TEAD1: variants seen among roughly 807,000 people sequenced by gnomAD.
TEAD1 encodes TEA domain transcription factor 1, also known as transcriptional enhancer factor TEF-1.
TEAD1 carries 9 observed loss-of-function variants against 54.9 expected under a neutral mutation model. That is an observed-to-expected ratio of 0.16 (90% CI 0.10 to 0.29). The LOEUF (loss-of-function observed/expected upper bound fraction) is 0.29, where lower values mean the gene tolerates loss of function less well. Ranked by LOEUF, TEAD1 falls within the 10% of genes least tolerant of loss-of-function variation. The probability of loss-of-function intolerance (pLI) is 1.00; values close to 1 mark genes in which losing one functional copy is unlikely to be tolerated. For missense variants in TEAD1, 387 were observed against 535.9 expected (o/e 0.72, Z 2.74); for synonymous variants, 200 against 187.8 (o/e 1.07, Z -0.53).
intron 3 of TEAD1, among the ~76,000 whole-genome samples, chr11:12,809,974 CTTTTTTTTT>C (rs55647097): frequency 0.51 from 59,923 of 116,802 alleles, 15,351 homozygotes; most frequent in Middle Eastern, 0.66. Flanking sequence ...TTTCCCCATT[CTTTTTTTTT>C]TTTTTTTTTT....
intron 3 of TEAD1, among the ~76,000 whole-genome samples, chr11:12,852,248 G>A (rs1174543381): frequency 7.0e-6 from 1 of 143,616 alleles, no homozygotes; most frequent in Non-Finnish European, 1.5e-5. Context: ...AGACTAAGGA[G>A]TTTGTGTTTT....
chr11:12,752,282 A>C (rs1456953601), intron 2 of TEAD1, among the ~76,000 whole-genome samples: 2 of 144,386 alleles, frequency 1.4e-5, no homozygotes, highest in Non-Finnish European at 3.0e-5. Context: ...TCCAACTTAC[A>C]TACAGAAAAG....
intron 2 of TEAD1, among the ~76,000 whole-genome samples, chr11:12,741,587 T>C (rs1208045242): frequency 1.3e-5 from 2 of 152,242 alleles, no homozygotes; most frequent in Non-Finnish European, 2.9e-5. Flanking sequence ...TTTTCCCATA[T>C]GCTTATTCTG....
intron 2 of TEAD1, among the ~76,000 whole-genome samples, chr11:12,717,828 C>A (rs559918442): frequency 6.6e-6 from 1 of 152,216 alleles, no homozygotes; most frequent in Non-Finnish European, 1.5e-5. Flanking sequence ...TGCCTGGCTC[C>A]TGGCCCACTG....
At chr11:12,758,041 A>G (rs1380024374) in intron 2 of TEAD1, among the ~76,000 whole-genome samples, 1 of 152,046 alleles carries the variant, frequency 6.6e-6, no homozygotes, top group Non-Finnish European at 1.5e-5. Context: ...TGGCCTCCCA[A>G]AGTGCTAGGC....
chr11:12,708,675 A>G (rs768574168), intron 2 of TEAD1, among the ~76,000 whole-genome samples: 2 of 152,164 alleles, frequency 1.3e-5, no homozygotes, highest in Non-Finnish European at 1.5e-5. Flanking sequence ...CCGCACCATA[A>G]TGTTTAGTGT....
intron 3 of TEAD1, among the ~76,000 whole-genome samples, chr11:12,784,676 G>T (rs1261091358): frequency 6.6e-6 from 1 of 152,160 alleles, no homozygotes; most frequent in African/African-American, 2.4e-5. Flanking sequence ...AAGTTCCAGG[G>T]GTGCTGATGT....
chr11:12,700,595 G>A (rs1184251362), intron 2 of TEAD1, among the ~76,000 whole-genome samples: 1 of 152,144 alleles, frequency 6.6e-6, no homozygotes, highest in Non-Finnish European at 1.5e-5. Context: ...ATTGATCTTA[G>A]AAACTTTTTT....
chr11:12,694,836 C>A (rs1423550000), intron 2 of TEAD1, among the ~76,000 whole-genome samples: 1 of 152,112 alleles, frequency 6.6e-6, no homozygotes, highest in Non-Finnish European at 1.5e-5. Context: ...TATATGGAGT[C>A]ATTGGAAGTT....
At chr11:12,765,018 G>C (rs1265503047) in intron 3 of TEAD1, among the ~76,000 whole-genome samples, 2 of 151,668 alleles carry the variant, frequency 1.3e-5, no homozygotes, top group Non-Finnish European at 2.9e-5. Context: ...TTGCTACTTT[G>C]CTGCCAGTTT....
intron 9 of TEAD1, among the ~76,000 whole-genome samples, chr11:12,883,927 G>T (rs979846528): frequency 1.3e-5 from 2 of 151,728 alleles, no homozygotes; most frequent in Non-Finnish European, 1.5e-5. Context: ...CCCAGGAGGC[G>T]GAGGTTGCGG....
At chr11:12,777,184 C>A (rs954812871) in intron 3 of TEAD1, among the ~76,000 whole-genome samples, 2 of 152,074 alleles carry the variant, frequency 1.3e-5, no homozygotes, top group Admixed American at 1.3e-4. Context: ...GATAGCGAAA[C>A]CTGCTGCCCA....
At chr11:12,930,151 C>T (rs2134169969) in intron 11 of TEAD1, 23 bp from the exon 12 acceptor site, 1 of 1,614,040 alleles carries the variant, frequency 6.2e-7, no homozygotes, top group Middle Eastern at 1.6e-4. Context: ...TGTAAAAATA[C>T]TGAAATCCTT....
chr11:12,707,193 C>G (rs1943836239), intron 2 of TEAD1, among the ~76,000 whole-genome samples: 1 of 140,598 alleles, frequency 7.1e-6, no homozygotes, highest in Admixed American at 7.7e-5. Context: ...ACTTGTGCGG[C>G]TGGTGTTTAT....
intron 3 of TEAD1, among the ~76,000 whole-genome samples, chr11:12,802,936 T>A (rs747068505): frequency 1.3e-5 from 2 of 152,202 alleles, no homozygotes; most frequent in Non-Finnish European, 2.9e-5. Context: ...TTCACTGCTC[T>A]GAGTCTCATT....
At chr11:12,718,786 G>T (rs1170027103) in intron 2 of TEAD1, among the ~76,000 whole-genome samples, 1 of 151,948 alleles carries the variant, frequency 6.6e-6, no homozygotes, top group Non-Finnish European at 1.5e-5. Flanking sequence ...GTTAAATTGG[G>T]TTTTCTGTGA....
intron 10 of TEAD1, among the ~76,000 whole-genome samples, chr11:12,907,158 G>T (rs896400222): frequency 3.9e-5 from 6 of 152,082 alleles, no homozygotes; most frequent in African/African-American, 9.7e-5. Context: ...CATTATGTCT[G>T]CAAGTATTGG....
intron 12 of TEAD1, among the ~76,000 whole-genome samples, chr11:12,932,671 GTGA>G (rs1435120264): frequency 1.3e-5 from 2 of 152,262 alleles, no homozygotes; most frequent in Admixed American, 1.3e-4. Context: ...CTGTCACCTA[GTGA>G]TGATGCAACT....
chr11:12,709,263 A>G (rs759360493), intron 2 of TEAD1, among the ~76,000 whole-genome samples: 2 of 152,022 alleles, frequency 1.3e-5, no homozygotes, highest in Admixed American at 6.6e-5. Context: ...GCTTGAACCC[A>G]GGAGGTGGAG....
Sources: gnomAD v4.1 joint callset for allele counts (sites outside exome capture counted in the v4.1 genomes callset) on GRCh38, gnomAD v4.1.1 for gene constraint, MANE v1.5 for transcripts, NCBI Gene and HGNC (gene_info 2026-07-23, HGNC 2026-07-21) for gene names.